The following ZC4H2 variants were observed in gnomAD, a reference collection of about 807,000 sequenced individuals.
ZC4H2 encodes the protein zinc finger C4H2 domain-containing protein.
For synonymous variants in ZC4H2, 84 were observed against 66.3 expected (o/e 1.27, Z -1.30); for missense variants, 137 against 173.9 (o/e 0.79, Z 1.19).
At chrX:64,952,962 A>G (rs1930938036) in intron 1 of ZC4H2, among the ~76,000 whole-genome samples, 1 of 111,921 alleles carries the variant, frequency 8.9e-6, no homozygotes, top group South Asian at 3.7e-4. Flanking sequence ...TGGTACTGGT[A>G]CCAAAACAGA....
intron 1 of ZC4H2, among the ~76,000 whole-genome samples, chrX:64,970,059 A>G (rs1296639343): frequency 1.8e-5 from 2 of 111,723 alleles, no homozygotes; most frequent in African/African-American, 6.5e-5. Context: ...CCACCAAAGG[A>G]TAGCCCAGCC....
At chrX:65,002,026 A>C (rs1308242230) in intron 1 of ZC4H2, among the ~76,000 whole-genome samples, 3 of 111,430 alleles carry the variant, frequency 2.7e-5, no homozygotes, top group Non-Finnish European at 5.6e-5. Flanking sequence ...AATATTAGAC[A>C]GAGCAAAGAG....
chrX:64,984,965 G>A (rs1403841123), intron 1 of ZC4H2, among the ~76,000 whole-genome samples: 1 of 112,149 alleles, frequency 8.9e-6, no homozygotes, highest in Non-Finnish European at 1.9e-5. Flanking sequence ...CTGTCACAAT[G>A]TTCACAAAGC....
At chrX:64,921,702 G>A in intron 2 of ZC4H2, 115 bp downstream of exon 2, 1 of 825,559 alleles carries the variant, frequency 1.2e-6, no homozygotes, top group Non-Finnish European at 1.7e-6. Context: ...ACCACAGCCT[G>A]CACTGATGCC....
intron 1 of ZC4H2, among the ~76,000 whole-genome samples, chrX:64,946,388 C>T (rs1282710105): frequency 9.0e-6 from 1 of 111,041 alleles, no homozygotes; most frequent in Non-Finnish European, 1.9e-5. Flanking sequence ...GGTAAGGTGA[C>T]ACCCCACCCT....
At chrX:65,001,848 G>T (rs1296323044) in intron 1 of ZC4H2, among the ~76,000 whole-genome samples, 1 of 111,539 alleles carries the variant, frequency 9.0e-6, no homozygotes, top group Non-Finnish European at 1.9e-5. Context: ...ACAAAGAAGG[G>T]TGTTACATAA....
chrX:65,031,941 T>G (rs182438880), intron 1 of ZC4H2, among the ~76,000 whole-genome samples: 1 of 112,488 alleles, frequency 8.9e-6, no homozygotes, highest in Non-Finnish European at 1.9e-5. Flanking sequence ...GTATAGAATT[T>G]TATTTTGAAT....
chrX:64,946,638 T>C (rs1422657359), intron 1 of ZC4H2, among the ~76,000 whole-genome samples: 1 of 110,575 alleles, frequency 9.0e-6, no homozygotes, highest in Non-Finnish European at 1.9e-5. Flanking sequence ...TAAATTTCAC[T>C]GGGGATAAAC....
At chrX:65,016,194 A>G (rs181878538) in intron 1 of ZC4H2, among the ~76,000 whole-genome samples, 6 of 111,302 alleles carry the variant, frequency 5.4e-5, no homozygotes, top group Middle Eastern at 4.7e-3. Context: ...CATTGTGGCC[A>G]GCTTCAGGTG....
chrX:65,003,899 C>T (rs777332156), intron 1 of ZC4H2, among the ~76,000 whole-genome samples: 21 of 108,992 alleles, frequency 1.9e-4, no homozygotes, highest in Admixed American at 6.9e-4. Flanking sequence ...AAATTATAAA[C>T]GGGATATAAC....
chrX:65,022,293 C>T (rs1170296221), intron 1 of ZC4H2, among the ~76,000 whole-genome samples: 1 of 111,519 alleles, frequency 9.0e-6, no homozygotes, highest in Non-Finnish European at 1.9e-5. Flanking sequence ...ACTGGCAAAC[C>T]AAATCCAGGA....
At chrX:64,939,730 T>G (rs746478720) in intron 1 of ZC4H2, among the ~76,000 whole-genome samples, 1 of 112,243 alleles carries the variant, frequency 8.9e-6, no homozygotes, top group East Asian at 2.8e-4. Context: ...GCTAGCCAGA[T>G]GCAGAAAACT....
At chrX:64,964,882 C>T (rs1395486484) in intron 1 of ZC4H2, among the ~76,000 whole-genome samples, 3 of 111,690 alleles carry the variant, frequency 2.7e-5, no homozygotes, top group Non-Finnish European at 5.7e-5. Context: ...TTGTATGTTT[C>T]TTACATTATA....
At chrX:64,946,960 T>C (rs1478774999) in intron 1 of ZC4H2, among the ~76,000 whole-genome samples, 1 of 111,714 alleles carries the variant, frequency 9.0e-6, no homozygotes. Context: ...GCATCTCTTC[T>C]GTTATAATGT....
intron 1 of ZC4H2, among the ~76,000 whole-genome samples, chrX:64,940,525 T>C (rs1302046242): frequency 3.6e-5 from 4 of 112,027 alleles, no homozygotes; most frequent in Non-Finnish European, 7.5e-5. Context: ...TTTTTTATGA[T>C]TTTAGGTCTT....
At chrX:64,939,443 T>C (rs1230043646) in intron 1 of ZC4H2, among the ~76,000 whole-genome samples, 1 of 111,767 alleles carries the variant, frequency 8.9e-6, no homozygotes, top group Non-Finnish European at 1.9e-5. Flanking sequence ...AAACTACTTT[T>C]AACTTCATAT....
At chrX:64,935,966 A>T (rs1929991066) in intron 1 of ZC4H2, among the ~76,000 whole-genome samples, 2 of 110,701 alleles carry the variant, frequency 1.8e-5, no homozygotes, top group South Asian at 7.7e-4. Context: ...GGGTAATAAC[A>T]AACTCCTCTG....
chrX:65,002,351 A>G (rs943697400), intron 1 of ZC4H2, among the ~76,000 whole-genome samples: 12 of 103,917 alleles, frequency 1.2e-4, no homozygotes, highest in South Asian at 4.4e-4. Flanking sequence ...GGAGGGAGGC[A>G]GGGGGTCAGC....
chrX:64,987,862 C>G (rs1932221632), intron 1 of ZC4H2, among the ~76,000 whole-genome samples: 1 of 102,274 alleles, frequency 9.8e-6, no homozygotes, highest in Non-Finnish European at 2.0e-5. Flanking sequence ...TTAGGTATAT[C>G]TCCTAATGCT....
Sources: gnomAD v4.1 joint callset for allele counts (sites outside exome capture counted in the v4.1 genomes callset) on GRCh38, gnomAD v4.1.1 for gene constraint, MANE v1.5 for transcripts, NCBI Gene and HGNC (gene_info 2026-07-23, HGNC 2026-07-21) for gene names.